Variants in HENMT1 observed in about 807,000 individuals in gnomAD.
The protein encoded by HENMT1 is small RNA 2'-O-methyltransferase.
HENMT1 carries 27 observed loss-of-function variants against 31.1 expected under a neutral mutation model. That is an observed-to-expected ratio of 0.87 (90% CI 0.64 to 1.20). The LOEUF (loss-of-function observed/expected upper bound fraction) is 1.20. Among genes scored for constraint, HENMT1 ranks in the 50% most tolerant of loss-of-function variants. HENMT1 has a pLI of 0.00. For synonymous variants in HENMT1, 167 were observed against 172.2 expected (o/e 0.97, Z 0.24); for missense variants, 438 against 469.6 (o/e 0.93, Z 0.62).
intron 3 of HENMT1, among the ~76,000 whole-genome samples, chr1:108,656,614 TG>T (rs1373226865): frequency 1.3e-5 from 2 of 152,158 alleles, no homozygotes; most frequent in African/African-American, 4.8e-5. Context: ...CCTGAGTAAC[TG>T]GGACTATAGG....
intron 3 of HENMT1, among the ~76,000 whole-genome samples, chr1:108,656,830 A>T (rs1189561685): frequency 6.6e-6 from 1 of 152,190 alleles, no homozygotes; most frequent in Admixed American, 6.5e-5. Flanking sequence ...CTGATATTCT[A>T]ACTAAATGCT....
At chr1:108,650,003 C>A (rs1236012711) in intron 7 of HENMT1, 2 of 666,534 alleles carry the variant, frequency 3.0e-6, no homozygotes, top group Non-Finnish European at 5.5e-6. Context: ...CTTTAACATG[C>A]CTTGAAACAC....
At chr1:108,650,055 G>A (rs779088424) in intron 7 of HENMT1, 156 bp downstream of exon 7, 16 of 736,266 alleles carry the variant, frequency 2.2e-5, no homozygotes, top group African/African-American at 1.4e-4. Context: ...AGGCTAACTC[G>A]GACAGTAGTC....
At chr1:108,650,951 G>C (rs776328465) in intron 6 of HENMT1, 79 bp downstream of exon 6, 1 of 933,968 alleles carries the variant, frequency 1.1e-6, no homozygotes. Context: ...TTTAGGTAAT[G>C]TATGTATATC....
At chr1:108,652,687 G>C (rs1658090318) in intron 5 of HENMT1, among the ~76,000 whole-genome samples, 1 of 152,158 alleles carries the variant, frequency 6.6e-6, no homozygotes, top group Admixed American at 6.5e-5. Context: ...GCTCACGCCT[G>C]TAATACCAGC....
At chr1:108,658,575 C>T (rs1658341412) in intron 2 of HENMT1, among the ~76,000 whole-genome samples, 2 of 150,026 alleles carry the variant, frequency 1.3e-5, no homozygotes, top group African/African-American at 2.4e-5. Context: ...GCAAAAGACT[C>T]TCTCACTGAC....
rs1370858944 is a variant in HENMT1 at position 108,655,602 on chromosome 1, T to C, written c.247A>G (p.Lys83Glu). 6.2e-7 allele frequency: 1 copy of C among 1,600,026 alleles called. No homozygotes were observed. The highest frequency in any genetic ancestry group is 1.7e-5 in the Admixed American group (1 of 58,970). ...AAGTATTACCCTCTCCATCGTAATT[T>C]ATCCTCATTAATATCTACTCCAACA... ...LLVGVDINED[K>E]LRWRGDSLAP... The change falls in exon 4 of 8, where the codon AAA (lysine) becomes GAA (glutamate). Residue 83 changes from lysine (K) to glutamate (E), a missense_variant. Transcript: ENST00000651461.
rs1416520464 is a variant in HENMT1, at chr1:108,655,462, G to C, written c.263+124C>G. 5.7e-6 allele frequency: 3 copies of C among 524,430 alleles called. No homozygotes were observed. In the African/African-American group the frequency reaches 6.0e-5, roughly 10 times the overall value. 32.5% of individuals were successfully genotyped at this position (524,430 alleles called of 1,614,324 possible). A position where few individuals can be genotyped will look rare whatever the true frequency, so the allele number is the denominator to read the frequency against. On this transcript the variant is annotated intron_variant, in intron 4 of 7. Coordinates refer to ENST00000651461, the MANE Select transcript of HENMT1 (RefSeq NM_001102592.2). The stretch of plus-strand genomic sequence containing the variant: ...TGTTATGGCAAAGCCTGATTATTCA[G>C]TGAGTTGAAGATCCCTAATGGCCCC...
At chr1:108,650,812 T>C (rs910389205) in intron 6 of HENMT1, among the ~76,000 whole-genome samples, 1 of 152,182 alleles carries the variant, frequency 6.6e-6, no homozygotes, top group Non-Finnish European at 1.5e-5. Context: ...ACAGATGCCT[T>C]CACATAAAAG....
chr1:108,660,048 T>A (rs1658396316), intron 1 of HENMT1, 86 bp from the exon 2 acceptor site: 1 of 625,204 alleles, frequency 1.6e-6, no homozygotes, highest in African/African-American at 1.9e-5. Context: ...AAAGCCTCTT[T>A]CTTACTCCTT....
In HENMT1 at chr1:108,657,588, C is replaced by T; in HGVS notation, c.22-9G>A. On this transcript the variant is annotated splice_polypyrimidine_tract_variant and intron_variant, in intron 2 of 7. Coordinates refer to ENST00000651461, the MANE Select transcript of HENMT1 (RefSeq NM_001102592.2). ...TCAACCACACTACTGCACTGAAGTTCACAAACAAAAAAAGACAGGTTCTAA... is the reference window on the plus strand; with the variant it reads ...TCAACCACACTACTGCACTGAAGTTTACAAACAAAAAAAGACAGGTTCTAA... The T allele has an allele frequency of 6.3e-7, 1 of 1,593,174 alleles. No individual in the cohort carries two copies. Among genetic ancestry groups the T allele is most frequent in the East Asian group, 2.3e-5 (1 of 44,156 alleles).
chr1:108,655,784 G>A (rs895453226), intron 3 of HENMT1, 86 bp from the exon 4 acceptor site: 5 of 654,066 alleles, frequency 7.6e-6, no homozygotes, highest in Admixed American at 2.8e-5. Flanking sequence ...GGAGAGAGTG[G>A]AGTATATATC....
rs1481596732 is a variant in HENMT1 at position 108,657,444 on chromosome 1, T to A, written c.150+7A>T. ...ATAATTAAATGTTTGGAAAGAGAAA[T>A]ACCTACCTTCTTAGGCTCATGTTGA... On this transcript the variant is annotated splice_region_variant and intron_variant, in intron 3 of 7. Transcript: ENST00000651461. 1 of 1,592,252 alleles carries A rather than the reference T, an allele frequency of 6.3e-7. No individual in the cohort carries two copies. Among genetic ancestry groups the A allele is most frequent in the Non-Finnish European group, 8.6e-7 (1 of 1,162,974 alleles).
Position 108,648,456 on chromosome 1 carries a change from G to T in HENMT1, c.*110C>A. On this transcript the variant is annotated 3_prime_UTR_variant, in exon 8 of 8. Transcript: ENST00000651461. ...CCAATGGCTTGGAACATAGACTTTT[G>T]CAGTGAAACTTTAAAAACATTACTT... is the stretch of plus-strand genomic sequence containing the variant. The T allele has an allele frequency of 1.1e-6, 1 of 908,196 alleles. No homozygotes were observed. The highest frequency in any genetic ancestry group is 1.6e-6 in the Non-Finnish European group (1 of 608,934). The allele number at this position is 908,196 out of a possible 1,614,324, so 56.3% of individuals were successfully genotyped here.
chr1:108,652,016 G>C (rs10159211), intron 5 of HENMT1, among the ~76,000 whole-genome samples: 4,087 of 152,278 alleles, frequency 0.027, 209 homozygotes, highest in African/African-American at 0.094. Context: ...CAGATACAGC[G>C]ACATTCTAGA....
intron 3 of HENMT1, among the ~76,000 whole-genome samples, chr1:108,656,250 G>A (rs1435624321): frequency 2.0e-5 from 3 of 152,038 alleles, no homozygotes; most frequent in East Asian, 1.9e-4. Context: ...TAATACCTAC[G>A]CCTTTGTGTC....
intron 3 of HENMT1, among the ~76,000 whole-genome samples, chr1:108,656,506 G>C (rs903177906): frequency 2.0e-5 from 3 of 152,128 alleles, no homozygotes; most frequent in Non-Finnish European, 4.4e-5. Context: ...TTCTTTTTGA[G>C]ACGGGCTCTT....
At chr1:108,652,967 G>A (rs1658104248) in intron 5 of HENMT1, among the ~76,000 whole-genome samples, 1 of 151,414 alleles carries the variant, frequency 6.6e-6, no homozygotes, top group South Asian at 2.1e-4. Flanking sequence ...TGCCCTCCAG[G>A]TTCATCCATG....
chr1:108,661,306 GC>G, upstream of HENMT1: 1 of 152,404 alleles, frequency 6.6e-6, no homozygotes, highest in Non-Finnish European at 1.5e-5. Flanking sequence ...TGTGGCGCAT[GC>G]CCAGAAGCCA....
Sources: gnomAD v4.1 joint callset for allele counts (sites outside exome capture counted in the v4.1 genomes callset) on GRCh38, gnomAD v4.1.1 for gene constraint, MANE v1.5 for transcripts, NCBI Gene and HGNC (gene_info 2026-07-23, HGNC 2026-07-21) for gene names.